Variants in MGAT4C observed in about 807,000 individuals in gnomAD.
MGAT4C encodes MGAT4 family member C, also known as alpha-1,3-mannosyl-glycoprotein 4-beta-N-acetylglucosaminyltransferase C.
MGAT4C carries 19 observed loss-of-function variants against 40.1 expected under a neutral mutation model. The ratio of observed to expected loss-of-function variants is 0.47; its 90% CI spans 0.33 to 0.70. MGAT4C has a LOEUF of 0.70. Ranked by LOEUF, MGAT4C falls within the 30% of genes least tolerant of loss-of-function variation. MGAT4C has a pLI of 0.02. For synonymous variants in MGAT4C, 181 were observed against 187.1 expected (o/e 0.97, Z 0.27); for missense variants, 491 against 563.2 (o/e 0.87, Z 1.30).
chr12:86,054,898 G>C (rs1893239914), intron 1 of MGAT4C, among the ~76,000 whole-genome samples: 1 of 151,776 alleles, frequency 6.6e-6, no homozygotes, highest in Non-Finnish European at 1.5e-5. Context: ...TTTTAAAGGA[G>C]AATTTTCCTT....
intron 2 of MGAT4C, among the ~76,000 whole-genome samples, chr12:86,688,946 A>C (rs1237226009): frequency 6.6e-6 from 1 of 152,204 alleles, no homozygotes; most frequent in Non-Finnish European, 1.5e-5. Context: ...GTGTTTGCCA[A>C]CTTGGTTCCA....
chr12:86,736,503 A>G (rs758617488), intron 1 of MGAT4C, among the ~76,000 whole-genome samples: 1 of 151,754 alleles, frequency 6.6e-6, no homozygotes, highest in South Asian at 2.1e-4. Flanking sequence ...TATTAACTAA[A>G]TCACCCCAAC....
chr12:86,157,302 G>C (rs1207480248), intron 1 of MGAT4C, among the ~76,000 whole-genome samples: 1 of 151,910 alleles, frequency 6.6e-6, no homozygotes, highest in Non-Finnish European at 1.5e-5. Flanking sequence ...GGTCGATCCT[G>C]AATCTAAAAG....
At chr12:86,155,214 A>G (rs1193527506) in intron 1 of MGAT4C, among the ~76,000 whole-genome samples, 1 of 152,204 alleles carries the variant, frequency 6.6e-6, no homozygotes, top group Non-Finnish European at 1.5e-5. Context: ...CAGAAATCAT[A>G]AAAGATGAAC....
At chr12:86,608,306 T>C (rs960520652) in intron 2 of MGAT4C, among the ~76,000 whole-genome samples, 6 of 152,100 alleles carry the variant, frequency 3.9e-5, no homozygotes, top group African/African-American at 1.2e-4. Flanking sequence ...TCGGCCAGCA[T>C]GGTGACTCAC....
intron 2 of MGAT4C, among the ~76,000 whole-genome samples, chr12:86,471,445 A>G (rs1025077244): frequency 2.6e-5 from 4 of 152,074 alleles, no homozygotes; most frequent in Non-Finnish European, 5.9e-5. Context: ...TTAGGCACAT[A>G]TATTGCAATC....
chr12:86,820,504 T>C (rs1048800559), intron 1 of MGAT4C, among the ~76,000 whole-genome samples: 43 of 150,914 alleles, frequency 2.8e-4, no homozygotes, highest in Non-Finnish European at 6.0e-4. Context: ...TATCTTAAAG[T>C]GGTAGTAAAT....
chr12:86,410,417 C>T (rs1005756936), intron 3 of MGAT4C, among the ~76,000 whole-genome samples: 16 of 152,046 alleles, frequency 1.1e-4, no homozygotes, highest in African/African-American at 2.2e-4. Context: ...AAGAATTAAG[C>T]GATATCTCTC....
At chr12:86,363,970 T>A (rs61949473) in intron 3 of MGAT4C, among the ~76,000 whole-genome samples, 4 of 77,790 alleles carry the variant, frequency 5.1e-5, no homozygotes, top group Non-Finnish European at 5.7e-5. Flanking sequence ...TCTCTCTCTC[T>A]CTCACACACA....
rs568953817 is a variant in MGAT4C, at chr12:86,788,752, G to A, written c.-262+49914C>T. On this transcript the variant is annotated intron_variant, in intron 1 of 7. Coordinates refer to the MGAT4C transcript ENST00000548651. ...TAAAAATTCAAAAGATCTGTCCAGT[G>A]GAAAATGTTATTATAGAATAGATGT... 6.4e-4 allele frequency among the ~76,000 whole-genome samples: 98 copies of A among 152,166 alleles called. No individual in the cohort carries two copies. The South Asian group carries it at 7.7e-3, about 12-fold the overall frequency.
intron 1 of MGAT4C, among the ~76,000 whole-genome samples, chr12:86,790,434 A>G (rs1368243223): frequency 6.6e-6 from 1 of 152,130 alleles, no homozygotes; most frequent in Non-Finnish European, 1.5e-5. Flanking sequence ...AACTAGATTT[A>G]AATTTCAATG....
At position 85,959,427 on chromosome 12, in the gene MGAT4C, T is replaced by C. The variant is rs1882991267; in HGVS notation, c.*19862A>G. On this transcript the variant is annotated 3_prime_UTR_variant, in exon 5 of 5. Coordinates refer to ENST00000611864, the MANE Select transcript of MGAT4C (RefSeq NM_001351288.2). Reference sequence around the variant, plus strand: ...TTTTCCTTTTCTCTTCCCCTTTCTCTCTCTTTCTCTTTTTTATTTTTGCCA... The same window carrying C: ...TTTTCCTTTTCTCTTCCCCTTTCTCCCTCTTTCTCTTTTTTATTTTTGCCA... 1 of 152,046 alleles carries C rather than the reference T, an allele frequency of 6.6e-6. No individual in the cohort carries two copies. The highest frequency in any genetic ancestry group is 2.1e-4 in the South Asian group (1 of 4,834). The allele number at this position is 152,046 out of a possible 1,614,324, so 9.4% of individuals were successfully genotyped here. A position where few individuals can be genotyped will look rare whatever the true frequency, so the allele number is the denominator to read the frequency against.
At chr12:86,162,316 A>G (rs922326652) in intron 1 of MGAT4C, among the ~76,000 whole-genome samples, 3 of 152,178 alleles carry the variant, frequency 2.0e-5, no homozygotes, top group African/African-American at 4.8e-5. Flanking sequence ...ATGCAGCCAT[A>G]ATACAGAATG....
chr12:86,539,367 T>C (rs182647002), intron 2 of MGAT4C, among the ~76,000 whole-genome samples: 2,157 of 152,384 alleles, frequency 0.014, 26 homozygotes, highest in South Asian at 0.024. Flanking sequence ...TCATTTTTTA[T>C]GGCTACATAG....
intron 2 of MGAT4C, among the ~76,000 whole-genome samples, chr12:86,038,113 G>C (rs1420649945): frequency 1.3e-5 from 2 of 149,736 alleles, no homozygotes; most frequent in Non-Finnish European, 3.0e-5. Context: ...AGAAATAGGT[G>C]GTGAGAATGT....
At chr12:86,611,436 C>T (rs201173451) in intron 2 of MGAT4C, among the ~76,000 whole-genome samples, 20 of 123,328 alleles carry the variant, frequency 1.6e-4, no homozygotes, top group Admixed American at 1.4e-3. Flanking sequence ...AGATAGATGA[C>T]AGATAGATAG....
chr12:85,998,820 C>T (rs551574977), intron 2 of MGAT4C, among the ~76,000 whole-genome samples: 3 of 152,234 alleles, frequency 2.0e-5, no homozygotes, highest in Admixed American at 1.3e-4. Flanking sequence ...CTATCTTCTT[C>T]TGAGCCCCCC....
Position 86,247,268 on chromosome 12 carries a change from T to G in MGAT4C, c.-57+8971A>C, listed in dbSNP as rs9804713. 8.8e-3 allele frequency among the ~76,000 whole-genome samples: 1,347 copies of G among 152,340 alleles called. 23 individuals carry two copies. The highest frequency in any genetic ancestry group is 0.029 in the African/African-American group (1,222 of 41,578). The stretch of plus-strand genomic sequence containing the variant: ...CTAAGAAAGTCCACTCAAATTTTAT[T>G]TCTATGATTAACATTCAGTAGCATC... On this transcript the variant is annotated intron_variant, in intron 1 of 4. Coordinates refer to ENST00000611864, the MANE Select transcript of MGAT4C (RefSeq NM_001351288.2).
At chr12:86,784,046 G>T (rs1485576733) in intron 1 of MGAT4C, among the ~76,000 whole-genome samples, 1 of 151,994 alleles carries the variant, frequency 6.6e-6, no homozygotes, top group Non-Finnish European at 1.5e-5. Flanking sequence ...TTGAACTTTT[G>T]GTCTGCCATG....
Sources: gnomAD v4.1 joint callset for allele counts (sites outside exome capture counted in the v4.1 genomes callset) on GRCh38, gnomAD v4.1.1 for gene constraint, MANE v1.5 for transcripts, NCBI Gene and HGNC (gene_info 2026-07-23, HGNC 2026-07-21) for gene names.